TCEAL5: variants seen among roughly 807,000 people sequenced by gnomAD.
The protein encoded by TCEAL5 is transcription elongation factor A protein-like 5.
For synonymous variants in TCEAL5, 65 were observed against 61.2 expected (o/e 1.06, Z -0.29); for missense variants, 111 against 158.1 (o/e 0.70, Z 1.60).
At chrX:103,275,498 G>C (rs1027569363) in intron 1 of TCEAL5, among the ~76,000 whole-genome samples, 156 bp from the exon 2 acceptor site, 1 of 111,511 alleles carries the variant, frequency 9.0e-6, no homozygotes, top group Non-Finnish European at 1.9e-5. Context: ...TTCCCCCTCC[G>C]CGCGCAGCTC....
At position 103,274,328 on chromosome X, in the gene TCEAL5, T is replaced by G; in HGVS notation, c.236A>C (p.Glu79Ala). The G allele has an allele frequency of 8.3e-7, 1 of 1,211,784 alleles. No individual in the cohort carries two copies. Among genetic ancestry groups the G allele is most frequent in the Non-Finnish European group, 1.1e-6 (1 of 895,511 alleles). The change falls in exon 3 of 3, where the codon GAA (glutamate) becomes GCA (alanine). Residue 79 changes from glutamate (E) to alanine (A), a missense_variant. Glu to Ala is a moderately radical substitution (Grantham distance 107, BLOSUM62 -1). Transcript: ENST00000372680. ...EGNQEKQGKS[E>A]GEDKPQSEGK... ...CTCACTTTGTGGCTTGTCCTCACCT[T>G]CAGACTTGCCCTGCTTTTCCTGGTT...
In TCEAL5 at chrX:103,274,100, G is replaced by A. The variant is rs749175841; in HGVS notation, c.464C>T (p.Ala155Val). The A allele has an allele frequency of 1.7e-6, 2 of 1,210,044 alleles. No homozygotes were observed. The highest frequency in any genetic ancestry group is 2.2e-6 in the Non-Finnish European group (2 of 895,295). The change falls in exon 3 of 3, where the codon GCT becomes GTT. Residue 155 changes from alanine to valine, a missense_variant. Ala to Val is a moderately conservative substitution (Grantham distance 64). Transcript: ENST00000372680. ...CTGTTTTTTCCTTAGCTCCTCCTGA[G>A]CCCTTGACACATCTCCACATTCTCT... ...MMRECGDVSRAQEELRKKQKM... is the reference protein window; with the variant it reads ...MMRECGDVSRVQEELRKKQKM...
rs765937182 is a variant in TCEAL5, at chrX:103,274,242, C to T, written c.322G>A (p.Ala108Thr). Residue 108 changes from alanine (A) to threonine (T), a missense_variant, in exon 3 of 3, where the codon GCT becomes ACT. Transcript: ENST00000372680. ...GCTTTCCGGGGCACATAATCTTCAG[C>T]CGGGCGCTTTTCGGCGGCCCGCGGC... ...SQPRAAEKRP[A>T]EDYVPRKAKR... 16 of 1,209,484 alleles carry T rather than the reference C, an allele frequency of 1.3e-5. No individual in the cohort carries two copies. The highest frequency in any genetic ancestry group is 1.8e-5 in the Non-Finnish European group (16 of 895,191).
chrX:103,273,904 T>C lies in TCEAL5; in HGVS notation c.*39A>G. The C allele has an allele frequency of 8.4e-7, 1 of 1,192,302 alleles. No homozygotes were observed. Among genetic ancestry groups the C allele is most frequent in the Non-Finnish European group, 1.1e-6 (1 of 884,687 alleles). On this transcript the variant is annotated 3_prime_UTR_variant, in exon 3 of 3. Coordinates refer to ENST00000372680, the MANE Select transcript of TCEAL5 (RefSeq NM_001012979.3). ...CTGCCAGGAAAAGCAGGACTGGCAA[T>C]ATTCCCATCAGAGAAATCAGAATTA...
chrX:103,274,453 G>C lies in TCEAL5; in HGVS notation c.111C>G (p.Asp37Glu), dbSNP rs61732214. Residue 37 changes from aspartate (D) to glutamate (E), a missense_variant, in exon 3 of 3, where the codon GAC (aspartate) becomes GAG (glutamate). Asp to Glu is a conservative substitution (Grantham distance 45). Transcript: ENST00000372680. ...CCTCCATGTCCGGCTTTTCTTCCTCGTCTGACTTTCCTTCATCTTCTGTAC... is the reference window on the plus strand; with the variant it reads ...CCTCCATGTCCGGCTTTTCTTCCTCCTCTGACTTTCCTTCATCTTCTGTAC... ...EGSTEDEGKS[D>E]EEEKPDMEGK... The C allele has an allele frequency of 4.1e-6, 5 of 1,210,089 alleles. No individual in the cohort carries two copies. The highest frequency in any genetic ancestry group is 3.4e-6 in the Non-Finnish European group (3 of 895,019).
At chrX:103,276,373 C>T (rs1925561207) in intron 1 of TCEAL5, among the ~76,000 whole-genome samples, 1 of 94,550 alleles carries the variant, frequency 1.1e-5, no homozygotes, top group Non-Finnish European at 2.0e-5. Context: ...TGGAGAGAAT[C>T]CAGTCCTGGA....
chrX:103,275,719 C>A (rs188733647), intron 1 of TCEAL5, among the ~76,000 whole-genome samples: 1 of 111,188 alleles, frequency 9.0e-6, no homozygotes, highest in African/African-American at 3.3e-5. Context: ...CTAGGGTAGC[C>A]AAATAGCAGA....
rs751146567 is a variant in TCEAL5, at chrX:103,274,625, GC to G, written c.-27-36del. The G allele has an allele frequency of 1.3e-3, 1,507 of 1,133,738 alleles. 1 individual carries two copies. The highest frequency in any genetic ancestry group is 1.6e-3 in the Non-Finnish European group (1,376 of 859,332). 93.4% of individuals were successfully genotyped at this position (1,133,738 alleles called of 1,213,427 possible). ...AAAAAGAAGACACAGGACACTGAGG[GC>G]TTTGGGGGTTGAACACAGGTCCTTA... is the stretch of plus-strand genomic sequence containing the variant. On this transcript the variant is annotated intron_variant, in intron 2 of 2. Transcript: ENST00000372680.
intron 1 of TCEAL5, among the ~76,000 whole-genome samples, chrX:103,275,630 G>T (rs1335309945): frequency 9.0e-6 from 1 of 111,639 alleles, no homozygotes. Context: ...GCACGAAAAT[G>T]AGTAGGGTTA....
rs1195812004 is a variant in TCEAL5, at chrX:103,275,283, A to G, written c.-36T>C. On this transcript the variant is annotated 5_prime_UTR_variant, in exon 2 of 3. Transcript: ENST00000372680. ...AGCCCTCTCCCACTGACCTGCACCG[A>G]TACTGCAGGTCTTTCCTTTTCTTGT... The G allele has an allele frequency of 8.9e-6, 1 of 111,814 alleles. No individual in the cohort carries two copies. The highest frequency in any genetic ancestry group is 1.9e-5 in the Non-Finnish European group (1 of 53,164). The allele number at this position is 111,814 out of a possible 1,213,427, so 9.2% of individuals were successfully genotyped here.
chrX:103,273,704 ACT>A lies in TCEAL5; in HGVS notation c.*237_*238del, dbSNP rs952478755. 2.4e-5 allele frequency: 11 copies of A among 451,961 alleles called. No individual in the cohort carries two copies. The highest frequency in any genetic ancestry group is 6.2e-4 in the Middle Eastern group (1 of 1,602). The allele number at this position is 451,961 out of a possible 1,213,427, so 37.2% of individuals were successfully genotyped here. On this transcript the variant is annotated 3_prime_UTR_variant, in exon 3 of 3. Transcript: ENST00000372680. ...TGATACTGTATACATGGTTCTGAAAACTCTTTTTTATTGTTATTTTACAATGT... is the reference window on the plus strand; with the variant it reads ...TGATACTGTATACATGGTTCTGAAAACTTTTTTATTGTTATTTTACAATGT...
chrX:103,273,750 A>G lies in TCEAL5; in HGVS notation c.*193T>C. On this transcript the variant is annotated 3_prime_UTR_variant, in exon 3 of 3. Transcript: ENST00000372680. ...ACAATGTACCATGAACATTTATTCC[A>G]TGCACATGGGTGAAAATCCTCTACT... is the stretch of plus-strand genomic sequence containing the variant. The G allele has an allele frequency of 1.8e-6, 1 of 568,938 alleles. No homozygotes were observed. Among genetic ancestry groups the G allele is most frequent in the Non-Finnish European group, 2.7e-6 (1 of 364,873 alleles). The allele number at this position is 568,938 out of a possible 1,213,427, so 46.9% of individuals were successfully genotyped here. A position where few individuals can be genotyped will look rare whatever the true frequency, so the allele number is the denominator to read the frequency against.
intron 2 of TCEAL5, 112 bp from the exon 3 acceptor site, chrX:103,274,702 C>T: frequency 1.4e-6 from 1 of 724,945 alleles, no homozygotes; most frequent in South Asian, 3.4e-5. Context: ...TCCCATCTTC[C>T]AGGTGCACTC....
intron 1 of TCEAL5, among the ~76,000 whole-genome samples, 164 bp from the exon 2 acceptor site, chrX:103,275,506 C>G (rs755082830): frequency 7.1e-5 from 8 of 111,939 alleles, no homozygotes; most frequent in Non-Finnish European, 1.3e-4. Flanking sequence ...CCGCGCGCAG[C>G]TCTTTCTTAA....
In TCEAL5 at chrX:103,274,591, C is replaced by T; in HGVS notation, c.-27-1G>A. On this transcript the variant is annotated splice_acceptor_variant, in intron 2 of 2. Transcript: ENST00000372680. LOFTEE classifies it low-confidence loss of function (5UTR_SPLICE). ...TGAGATGTTCCCTTCTTTGCCTTTCCTAGGAGACAAAAAGAAGACACAGGA... is the reference window on the plus strand; with the variant it reads ...TGAGATGTTCCCTTCTTTGCCTTTCTTAGGAGACAAAAAGAAGACACAGGA... 8.6e-7 allele frequency: 1 copy of T among 1,164,715 alleles called. No individual in the cohort carries two copies.
Position 103,274,403 on chromosome X carries a change from C to A in TCEAL5, c.161G>T (p.Arg54Leu), listed in dbSNP as rs1925517786. ...MEGKTECEGK[R>L]EDEGEPGDEG... Reference sequence around the variant, plus strand: ...ATCACCTGGCTCTCCCTCATCCTCTCGCTTTCCCTCGCATTCTGTCTTCCC... The same window carrying A: ...ATCACCTGGCTCTCCCTCATCCTCTAGCTTTCCCTCGCATTCTGTCTTCCC... The change falls in exon 3 of 3, where the codon CGA becomes CTA. Residue 54 changes from arginine (R) to leucine (L), a missense_variant. Physicochemically the swap from Arg to Leu is moderately radical, Grantham distance 102. Coordinates refer to ENST00000372680, the MANE Select transcript of TCEAL5 (RefSeq NM_001012979.3). The A allele has an allele frequency of 8.3e-7, 1 of 1,211,032 alleles. No individual in the cohort carries two copies. The highest frequency in any genetic ancestry group is 1.1e-6 in the Non-Finnish European group (1 of 895,409).
In TCEAL5 at chrX:103,273,785, AGCAC is replaced by A; in HGVS notation, c.*154_*157del. 2.7e-6 allele frequency: 2 copies of A among 741,503 alleles called. No individual in the cohort carries two copies. Among genetic ancestry groups the A allele is most frequent in the Non-Finnish European group, 3.9e-6 (2 of 517,968 alleles). The allele number at this position is 741,503 out of a possible 1,213,427, so 61.1% of individuals were successfully genotyped here. ...GTGAAAATCCTCTACTAAAAGACAG[AGCAC>A]TGTAGTTGGGTCAAAAGTCTGCTGG... On this transcript the variant is annotated 3_prime_UTR_variant, in exon 3 of 3. Coordinates refer to ENST00000372680, the MANE Select transcript of TCEAL5 (RefSeq NM_001012979.3).
rs1925519941 is a variant in TCEAL5, at chrX:103,274,450, C to T, written c.114G>A (p.Glu38=). ...TCCCCTCCATGTCCGGCTTTTCTTC[C>T]TCGTCTGACTTTCCTTCATCTTCTG... ...GSTEDEGKSD[E]EEKPDMEGKT... is the part of the protein sequence containing the mutation. Residue 38 remains glutamate, a synonymous_variant, in exon 3 of 3, where the codon GAG becomes GAA. Coordinates refer to ENST00000372680, the MANE Select transcript of TCEAL5 (RefSeq NM_001012979.3). The T allele has an allele frequency of 8.3e-7, 1 of 1,209,122 alleles. No individual in the cohort carries two copies. Among genetic ancestry groups the T allele is most frequent in the African/African-American group, 1.8e-5 (1 of 56,818 alleles).
chrX:103,275,571 G>A (rs1003618018), intron 1 of TCEAL5, among the ~76,000 whole-genome samples: 9 of 111,664 alleles, frequency 8.1e-5, no homozygotes, highest in African/African-American at 2.9e-4. Flanking sequence ...TTTCCAAAGC[G>A]TTTCTATGTT....
Sources: allele counts gnomAD v4.1 joint callset (sites outside exome capture counted in the v4.1 genomes callset), GRCh38; gene constraint gnomAD v4.1.1; transcripts MANE v1.5; gene names NCBI Gene and HGNC (gene_info 2026-07-23, HGNC 2026-07-21).